Variants in ATP6V1C2 observed in about 807,000 individuals in gnomAD.
ATP6V1C2 encodes ATPase H+ transporting V1 subunit C2, also known as V-type proton ATPase subunit C 2.
In ATP6V1C2, 45 loss-of-function variants were observed where a neutral mutation model predicts 56.8. The observed-to-expected ratio is 0.79, with a 90% CI of 0.62 to 1.02. The LOEUF (loss-of-function observed/expected upper bound fraction) is 1.02, where lower values mean the gene tolerates loss of function less well. Ranked by LOEUF, ATP6V1C2 falls within the 50% of genes least tolerant of loss-of-function variation. ATP6V1C2 has a pLI of 0.00. For missense variants in ATP6V1C2, 463 were observed against 519.7 expected, an observed-to-expected ratio of 0.89 and a Z score of 1.06; for synonymous variants, 220 against 201.3, an observed-to-expected ratio of 1.09 and a Z score of -0.79.
intron 5 of ATP6V1C2, among the ~76,000 whole-genome samples, chr2:10,766,148 G>A (rs1345710637): frequency 6.6e-6 from 1 of 152,176 alleles, no homozygotes; most frequent in Non-Finnish European, 1.5e-5. Context: ...ATTGTGCTGT[G>A]TGCATGACAC....
In ATP6V1C2 at chr2:10,783,293, T is replaced by TC. The variant is rs745950654; in HGVS notation, c.*31dup. On this transcript the variant is annotated 3_prime_UTR_variant, in exon 14 of 14. Coordinates refer to ENST00000272238, the MANE Select transcript of ATP6V1C2 (RefSeq NM_001039362.2). ...GCCAGCTGGCACCTCTGTCTCATGT[T>TC]CGTGCAGATTATTACAGACACCTCT... 2 of 1,454,488 alleles carry TC rather than the reference T, an allele frequency of 1.4e-6. No individual in the cohort carries two copies. Among genetic ancestry groups the TC allele is most frequent in the South Asian group, 2.3e-5 (2 of 87,522 alleles). 90.1% of individuals were successfully genotyped at this position (1,454,488 alleles called of 1,614,324 possible). A position where few individuals can be genotyped will look rare whatever the true frequency, so the allele number is the denominator to read the frequency against.
chr2:10,735,457 A>G (rs546668540), intron 3 of ATP6V1C2, among the ~76,000 whole-genome samples: 1 of 152,242 alleles, frequency 6.6e-6, no homozygotes, highest in Admixed American at 6.5e-5. Context: ...ACAGGTGTGA[A>G]CTGCCACGCC....
intron 12 of ATP6V1C2, among the ~76,000 whole-genome samples, chr2:10,781,795 A>T (rs1250135500): frequency 3.3e-5 from 5 of 152,264 alleles, no homozygotes; most frequent in African/African-American, 1.2e-4. Context: ...ATGCTCAGGC[A>T]TACAACTAGG....
chr2:10,777,475 G>C, intron 10 of ATP6V1C2, 110 bp from the exon 11 acceptor site: 1 of 1,425,826 alleles, frequency 7.0e-7, no homozygotes, highest in African/African-American at 1.4e-5. Context: ...CCCGAGGGTG[G>C]GCCTGAATTC....
At position 10,778,530 on chromosome 2, in the gene ATP6V1C2, G is replaced by T. The variant is rs897312763; in HGVS notation, c.964-42G>T. The T allele has an allele frequency of 3.8e-6, 6 of 1,579,250 alleles. No individual in the cohort carries two copies. The African/African-American group carries it at 6.7e-5, about 18-fold the overall frequency. ...GTCCTTTCTTGGCTCTGTGTCAGGC[G>T]GGGTGTTCAGCAGGGGTCACCTGGC... is the stretch of plus-strand genomic sequence containing the variant. On this transcript the variant is annotated intron_variant, in intron 11 of 13. Transcript: ENST00000272238.
At chr2:10,783,037 G>A (rs540677044) in intron 13 of ATP6V1C2, 137 bp from the exon 14 acceptor site, 1 of 610,552 alleles carries the variant, frequency 1.6e-6, no homozygotes, top group East Asian at 2.9e-5. Context: ...GCACAGCAAG[G>A]AGAGGGTTGG....
At chr2:10,769,943 A>T (rs1488740803) in intron 6 of ATP6V1C2, 1 of 152,246 alleles carries the variant, frequency 6.6e-6, no homozygotes, top group Non-Finnish European at 1.5e-5. Context: ...GGGAGCCCCG[A>T]ACCAGCTGCC....
chr2:10,764,131 GGGCTGACAGCTCCCACT>G (rs1664084951), intron 4 of ATP6V1C2, among the ~76,000 whole-genome samples, 183 bp from the exon 5 acceptor site: 1 of 152,156 alleles, frequency 6.6e-6, no homozygotes, highest in Admixed American at 6.5e-5. Flanking sequence ...TCTAGTGCTT[GGGCTGACAGCTCCCACT>G]GGCTCACAGC....
At chr2:10,745,041 C>CTTTTTTTTTTTTTTTTTTTTTTT (rs5829274) in intron 3 of ATP6V1C2, among the ~76,000 whole-genome samples, 1 of 113,314 alleles carries the variant, frequency 8.8e-6, no homozygotes, top group Admixed American at 1.1e-4. Context: ...TATTTATTTT[C>CTTTTTTTTTTTTTTTTTTTTTTT]TTTTTTTTTT....
chr2:10,752,859 C>T (rs867275963), intron 3 of ATP6V1C2, among the ~76,000 whole-genome samples: 8 of 152,030 alleles, frequency 5.3e-5, no homozygotes, highest in Middle Eastern at 3.4e-3. Flanking sequence ...AGCTGGGTGT[C>T]GTGGTGGGCC....
At position 10,784,957 on chromosome 2, in the gene ATP6V1C2, GCT is replaced by G; in HGVS notation, c.*1702_*1703del. ...ACCTCGCCATCCCTGCCGTCCCAAG[GCT>G]CTCTCTCAACGATGGTAGGGAAAGC... On this transcript the variant is annotated 3_prime_UTR_variant, in exon 14 of 14. Transcript: ENST00000272238. 3 of 1,589,772 alleles carry G rather than the reference GCT, an allele frequency of 1.9e-6. No individual in the cohort carries two copies. Among genetic ancestry groups the G allele is most frequent in the Non-Finnish European group, 2.6e-6 (3 of 1,166,722 alleles).
At chr2:10,723,531 AC>A (rs770469447) in intron 2 of ATP6V1C2, among the ~76,000 whole-genome samples, 30 of 151,994 alleles carry the variant, frequency 2.0e-4, no homozygotes, top group Admixed American at 7.9e-4. Context: ...CAAAGTTCAA[AC>A]GAAACCAACA....
At position 10,769,716 on chromosome 2, in the gene ATP6V1C2, A is replaced by AAC. The variant is rs1664462746; in HGVS notation, c.470+908_470+909dup. Among the ~76,000 whole-genome samples, 4 of 151,578 alleles carry AAC rather than the reference A, an allele frequency of 2.6e-5. No homozygotes were observed. In the South Asian group the frequency reaches 8.3e-4, roughly 32 times the overall value. The stretch of plus-strand genomic sequence containing the variant: ...ACTCTGCCTCAAAAACAAACAAACA[A>AAC]ACAAAAAAAACAGGGAGAGAGAGAA... On this transcript the variant is annotated intron_variant, in intron 6 of 13. Transcript: ENST00000272238.
Position 10,785,063 on chromosome 2 carries a change from A to G in ATP6V1C2, c.*1800A>G, listed in dbSNP as rs773171799. 1 of 1,353,574 alleles carries G rather than the reference A, an allele frequency of 7.4e-7. No homozygotes were observed. The allele number at this position is 1,353,574 out of a possible 1,614,324, so 83.8% of individuals were successfully genotyped here. A position where few individuals can be genotyped will look rare whatever the true frequency, so the allele number is the denominator to read the frequency against. ...AAAAATGACCAAAACACACACACAC[A>G]TTTACAATGGACTGCTGGTGCAGAA... is the stretch of plus-strand genomic sequence containing the variant. On this transcript the variant is annotated 3_prime_UTR_variant, in exon 14 of 14. Coordinates refer to ENST00000272238, the MANE Select transcript of ATP6V1C2 (RefSeq NM_001039362.2).
intron 10 of ATP6V1C2, among the ~76,000 whole-genome samples, chr2:10,775,557 T>C (rs1664909658): frequency 6.6e-6 from 1 of 152,124 alleles, no homozygotes; most frequent in Non-Finnish European, 1.5e-5. Flanking sequence ...TGTATTTACC[T>C]CCCGTGTCCT....
chr2:10,770,542 G>A (rs894112526), intron 6 of ATP6V1C2, among the ~76,000 whole-genome samples: 10 of 152,358 alleles, frequency 6.6e-5, no homozygotes, highest in South Asian at 2.1e-4. Context: ...TCATCTGTCC[G>A]TCCTGGCTTA....
chr2:10,740,944 C>A (rs938433829), intron 3 of ATP6V1C2, among the ~76,000 whole-genome samples: 1 of 152,244 alleles, frequency 6.6e-6, no homozygotes, highest in African/African-American at 2.4e-5. Flanking sequence ...GCCTTGGCCT[C>A]CCAAAGTGCT....
chr2:10,778,236 A>G (rs58528211), intron 11 of ATP6V1C2, among the ~76,000 whole-genome samples: 16,517 of 152,150 alleles, frequency 0.11, 2,766 homozygotes, highest in African/African-American at 0.36. Flanking sequence ...AGAGCCTCTG[A>G]GAAGGTGGGC....
chr2:10,776,528 G>T (rs1313372516), intron 10 of ATP6V1C2, among the ~76,000 whole-genome samples: 2 of 152,326 alleles, frequency 1.3e-5, no homozygotes, highest in East Asian at 3.9e-4. Flanking sequence ...GAGCTCCAAA[G>T]TGTTTTCTTC....
Sources: gnomAD v4.1 joint callset for allele counts (sites outside exome capture counted in the v4.1 genomes callset) on GRCh38, gnomAD v4.1.1 for gene constraint, MANE v1.5 for transcripts, NCBI Gene and HGNC (gene_info 2026-07-23, HGNC 2026-07-21) for gene names.